Variants in TRAFD1 observed in about 807,000 individuals in gnomAD.
The protein encoded by TRAFD1 is TRAF-type zinc finger domain-containing protein 1.
A neutral mutation model predicts 65.3 loss-of-function variants in TRAFD1; 38 were observed. The observed-to-expected ratio is 0.58, with a 90% confidence interval of 0.45 to 0.76. The LOEUF (loss-of-function observed/expected upper bound fraction) is 0.76, where lower values mean the gene tolerates loss of function less well. TRAFD1 is among the 30% of genes least tolerant of loss of function. The probability of loss-of-function intolerance (pLI) is 0.00; values close to 1 mark genes in which losing one functional copy is unlikely to be tolerated. For synonymous variants in TRAFD1, 223 were observed against 257.2 expected (o/e 0.87, Z 1.27); for missense variants, 631 against 712.6 (o/e 0.89, Z 1.30).
Position 112,152,053 on chromosome 12 carries a change from T to A in TRAFD1, c.1532T>A (p.Val511Asp). 1.2e-6 allele frequency: 2 copies of A among 1,614,158 alleles called. No individual in the cohort carries two copies. Among genetic ancestry groups the A allele is most frequent in the South Asian group, 1.1e-5 (1 of 91,078 alleles). The change falls in exon 10 of 12, where the codon GTT becomes GAT. Residue 511 changes from valine to aspartate, a missense_variant. Physicochemically the swap from Val to Asp is radical, Grantham distance 152 (BLOSUM62 -3). Coordinates refer to ENST00000412615, the MANE Select transcript of TRAFD1 (RefSeq NM_006700.3). This position sits in a 1 kb window ranked among gnomAD's most constrained non-coding sequence, Gnocchi z 5.0. ...SQNGAIAPGH[V>D]SVIRPPQNLY... ...AATGGGGCCATAGCCCCTGGGCACG[T>A]TTCAGTGATTCGCCCTCCTCAAAAT...
At chr12:112,138,244 AAAT>A (rs1438903718) in intron 4 of TRAFD1, among the ~76,000 whole-genome samples, 14 of 152,020 alleles carry the variant, frequency 9.2e-5, no homozygotes, top group African/African-American at 3.1e-4. Context: ...TGTTTCAAAA[AAAT>A]AAAAATAAAA....
chr12:112,139,777 C>G (rs752316694), intron 4 of TRAFD1, among the ~76,000 whole-genome samples: 6 of 152,084 alleles, frequency 3.9e-5, no homozygotes, highest in Non-Finnish European at 7.4e-5. Context: ...GTGGCTCATA[C>G]CATTTGAGGA....
chr12:112,147,451 T>G (rs1416314150), intron 7 of TRAFD1, among the ~76,000 whole-genome samples: 3 of 152,140 alleles, frequency 2.0e-5, no homozygotes, highest in African/African-American at 7.2e-5. Flanking sequence ...AGTTTTTGTT[T>G]TGGGAGTACC....
intron 2 of TRAFD1, chr12:112,133,068 A>G (rs767607494): frequency 2.0e-5 from 3 of 152,344 alleles, no homozygotes; most frequent in African/African-American, 4.8e-5. Flanking sequence ...GAGTACATGT[A>G]TAATCTTTTC....
At position 112,142,196 on chromosome 12, in the gene TRAFD1, G is replaced by T; in HGVS notation, c.751G>T (p.Glu251Ter). The T allele has an allele frequency of 6.2e-7, 1 of 1,613,982 alleles. No homozygotes were observed. The highest frequency in any genetic ancestry group is 8.5e-7 in the Non-Finnish European group (1 of 1,179,984). The change falls in exon 6 of 12, where the codon GAA becomes TAA. Residue 251 changes from glutamate (E) to a stop codon, truncating the protein, a stop_gained. Transcript: ENST00000412615. LOFTEE classifies it high-confidence loss of function. ...CATGTTGGCCCTAAGTCTGCAAAAT[G>T]AAGGCCAAGCCTCCAGTGTGGCAGA... ...DFMLALSLQN[E>*]GQASSVAEQD...
At chr12:112,151,763 G>A (rs2030412535) in intron 9 of TRAFD1, 38 bp from the exon 10 acceptor site, 1 of 1,579,110 alleles carries the variant, frequency 6.3e-7, no homozygotes, top group African/African-American at 1.4e-5. Context: ...AGCCAGAGCA[G>A]GCTTTTTCCT....
intron 5 of TRAFD1, 34 bp downstream of exon 5, chr12:112,141,258 G>T (rs572185298): frequency 1.3e-6 from 2 of 1,599,766 alleles, no homozygotes; most frequent in South Asian, 2.2e-5. Context: ...AACTAGAATG[G>T]TATCAAAATC....
At chr12:112,133,976 C>T (rs1429898418) in intron 2 of TRAFD1, among the ~76,000 whole-genome samples, 2 of 139,840 alleles carry the variant, frequency 1.4e-5, no homozygotes, top group East Asian at 2.1e-4. Context: ...AATGTGCTGG[C>T]GTTACTGCAC....
At chr12:112,133,774 A>C (rs1030892175) in intron 2 of TRAFD1, among the ~76,000 whole-genome samples, 1 of 147,902 alleles carries the variant, frequency 6.8e-6, no homozygotes, top group Admixed American at 6.9e-5. Context: ...GCATGATCTC[A>C]GCTTTCTGCA....
At chr12:112,144,395 A>G (rs1237224737) in intron 6 of TRAFD1, among the ~76,000 whole-genome samples, 1 of 151,486 alleles carries the variant, frequency 6.6e-6, no homozygotes, top group African/African-American at 2.4e-5. Context: ...CTCAGCCTCC[A>G]GGGTAGCTGG....
At chr12:112,128,120 C>T (rs927150488) in intron 1 of TRAFD1, among the ~76,000 whole-genome samples, 1 of 152,022 alleles carries the variant, frequency 6.6e-6, no homozygotes, top group Non-Finnish European at 1.5e-5. Flanking sequence ...CTCCCGGGTT[C>T]AAGCAATTCT....
At chr12:112,145,493 A>G in intron 6 of TRAFD1, 93 bp from the exon 7 acceptor site, 1 of 1,287,902 alleles carries the variant, frequency 7.8e-7, no homozygotes, top group South Asian at 1.3e-5. Flanking sequence ...AAGAAAGCCA[A>G]ACTTCTATAT....
intron 6 of TRAFD1, among the ~76,000 whole-genome samples, chr12:112,143,980 C>T (rs1396021147): frequency 6.6e-6 from 1 of 151,994 alleles, no homozygotes; most frequent in African/African-American, 2.4e-5. Context: ...TGCCCCACCT[C>T]GGCCTCCCAA....
chr12:112,138,388 A>G (rs987740028), intron 4 of TRAFD1, among the ~76,000 whole-genome samples: 1 of 152,082 alleles, frequency 6.6e-6, no homozygotes, highest in Non-Finnish European at 1.5e-5. Context: ...CATCTCTACT[A>G]AAAATACAGA....
At chr12:112,147,918 C>T (rs2030297758) in intron 7 of TRAFD1, among the ~76,000 whole-genome samples, 156 bp from the exon 8 acceptor site, 1 of 152,118 alleles carries the variant, frequency 6.6e-6, no homozygotes, top group African/African-American at 2.4e-5. Flanking sequence ...ATCCACCTGC[C>T]TCGGCCTCCC....
At chr12:112,145,487 A>C (rs1193115490) in intron 6 of TRAFD1, 99 bp from the exon 7 acceptor site, 7 of 1,209,500 alleles carry the variant, frequency 5.8e-6, no homozygotes, top group Non-Finnish European at 7.1e-6. Context: ...ACATTAAAGA[A>C]AGCCAAACTT....
chr12:112,137,944 C>T lies in TRAFD1; in HGVS notation c.238-2875C>T, dbSNP rs761372032. The stretch of plus-strand genomic sequence containing the variant: ...TTTATTAATTTATAATTAAATTACC[C>T]TTAAAGGTAATTCACAGCGGGCTAC... On this transcript the variant is annotated intron_variant, in intron 4 of 11. Transcript: ENST00000412615. The surrounding 1 kb of genome is among the most constrained non-coding windows in gnomAD (Gnocchi z 4.2). Among the ~76,000 whole-genome samples the T allele has an allele frequency of 6.6e-6, 1 of 151,936 alleles. No individual in the cohort carries two copies. The highest frequency in any genetic ancestry group is 6.6e-5 in the Admixed American group (1 of 15,258).
chr12:112,127,710 G>C (rs910661381), intron 1 of TRAFD1, among the ~76,000 whole-genome samples: 2 of 151,936 alleles, frequency 1.3e-5, no homozygotes, highest in African/African-American at 4.8e-5. Context: ...CTGTCGCCCA[G>C]GCTGGAGTGC....
Position 112,145,610 on chromosome 12 carries a change from C to T in TRAFD1, c.875C>T (p.Pro292Leu). The T allele has an allele frequency of 6.2e-7, 1 of 1,614,116 alleles. No homozygotes were observed. The highest frequency in any genetic ancestry group is 1.3e-5 in the African/African-American group (1 of 75,030). ...IKGAADEIML[P>L]CEFCEELYPE... is the part of the protein sequence containing the mutation. ...GGTGCAGCTGACGAGATCATGTTGCCTTGTGAATTTTGTGAGGAGCTCTAC... is the reference window on the plus strand; with the variant it reads ...GGTGCAGCTGACGAGATCATGTTGCTTTGTGAATTTTGTGAGGAGCTCTAC... Residue 292 changes from proline (P) to leucine (L), a missense_variant, in exon 7 of 12, where the codon CCT (proline) becomes CTT (leucine). Transcript: ENST00000412615.
Sources: gnomAD v4.1 joint callset for allele counts (sites outside exome capture counted in the v4.1 genomes callset) on GRCh38, gnomAD v4.1.1 for gene constraint, Gnocchi (gnomAD v3.1) non-coding constraint, MANE v1.5 for transcripts, NCBI Gene and HGNC (gene_info 2026-07-23, HGNC 2026-07-21) for gene names.